CSMD1: variants seen among roughly 807,000 people sequenced by gnomAD.
The protein encoded by CSMD1 is CUB and Sushi multiple domains 1, also known as CUB and sushi domain-containing protein 1.
Under a neutral mutation model 417.5 loss-of-function variants are expected in CSMD1, and 213 were observed. That is an observed-to-expected ratio of 0.51 (90% confidence interval 0.46 to 0.57). CSMD1 has a LOEUF of 0.57. Among genes scored for constraint, CSMD1 ranks in the 20% least tolerant of loss-of-function variants. The pLI is 0.00. For synonymous variants in CSMD1, 2,862 were observed against 1,736.8 expected (o/e 1.65, Z -16.11); for missense variants, 6,923 against 4,529.7 (o/e 1.53, Z -15.17).
At chr8:4,197,275 G>A (rs909422419) in intron 3 of CSMD1, among the ~76,000 whole-genome samples, 1 of 152,208 alleles carries the variant, frequency 6.6e-6, no homozygotes. Context: ...AAATTGAGAA[G>A]TATTAGGCAT....
intron 3 of CSMD1, among the ~76,000 whole-genome samples, chr8:4,338,616 T>C (rs765525717): frequency 6.6e-6 from 1 of 152,150 alleles, no homozygotes; most frequent in East Asian, 1.9e-4. Context: ...AATTAAATCT[T>C]TAAATTAGGT....
At chr8:3,355,858 A>C (rs1255167953) in intron 21 of CSMD1, among the ~76,000 whole-genome samples, 3 of 152,202 alleles carry the variant, frequency 2.0e-5, no homozygotes, top group Non-Finnish European at 4.4e-5. Context: ...CCTAAACAAT[A>C]CACGTGTAAT....
intron 5 of CSMD1, among the ~76,000 whole-genome samples, chr8:3,773,343 G>C (rs978964293): frequency 6.6e-6 from 1 of 152,140 alleles, no homozygotes; most frequent in African/African-American, 2.4e-5. Context: ...GAGTGCAGTG[G>C]TGCACTCTCA....
intron 36 of CSMD1, among the ~76,000 whole-genome samples, chr8:3,187,465 T>A (rs1796130017): frequency 6.6e-6 from 1 of 152,122 alleles, no homozygotes; most frequent in Non-Finnish European, 1.5e-5. Flanking sequence ...TAGGGTAGAA[T>A]CTCAGGACTA....
intron 37 of CSMD1, among the ~76,000 whole-genome samples, chr8:3,163,310 C>T (rs1253119913): frequency 2.0e-5 from 3 of 151,966 alleles, no homozygotes; most frequent in African/African-American, 7.3e-5. Flanking sequence ...AGTTCTTGTA[C>T]TTCACAACAA....
chr8:3,933,477 C>A (rs893749772), intron 5 of CSMD1, among the ~76,000 whole-genome samples: 1 of 152,116 alleles, frequency 6.6e-6, no homozygotes, highest in African/African-American at 2.4e-5. Context: ...ACCCACTCAA[C>A]CCCTTTCAGC....
chr8:3,022,419 C>G (rs968664306), intron 51 of CSMD1, among the ~76,000 whole-genome samples: 2 of 152,314 alleles, frequency 1.3e-5, no homozygotes, highest in African/African-American at 4.8e-5. Context: ...AATCCCACAT[C>G]GACAGCGTGT....
At chr8:3,195,452 CA>C in intron 33 of CSMD1, among the ~76,000 whole-genome samples, 1 of 152,344 alleles carries the variant, frequency 6.6e-6, no homozygotes, top group Admixed American at 6.5e-5. Flanking sequence ...GGCATAGAAT[CA>C]ATGGCCTCTT....
chr8:4,072,853 A>C (rs747400047), intron 3 of CSMD1, among the ~76,000 whole-genome samples: 93 of 152,336 alleles, frequency 6.1e-4, no homozygotes, highest in Non-Finnish European at 1.2e-3. Context: ...ACAACAATTT[A>C]GAAGCTTGAA....
At chr8:3,450,725 T>A (rs1044440141) in intron 12 of CSMD1, among the ~76,000 whole-genome samples, 1 of 152,084 alleles carries the variant, frequency 6.6e-6, no homozygotes, top group South Asian at 2.1e-4. Context: ...TGTTGGACAT[T>A]TGGGTTGGTT....
intron 5 of CSMD1, among the ~76,000 whole-genome samples, chr8:3,758,708 G>A (rs1359035868): frequency 1.3e-5 from 2 of 152,216 alleles, no homozygotes; most frequent in South Asian, 2.1e-4. Flanking sequence ...GTGGGAGGCA[G>A]AATCATACCT....
chr8:4,961,344 T>C (rs1383210484), intron 1 of CSMD1, among the ~76,000 whole-genome samples: 1 of 152,136 alleles, frequency 6.6e-6, no homozygotes, highest in Non-Finnish European at 1.5e-5. Flanking sequence ...TTTTCAAACA[T>C]TCTTTCAACC....
At chr8:4,115,032 A>T (rs576723363) in intron 3 of CSMD1, among the ~76,000 whole-genome samples, 1 of 152,362 alleles carries the variant, frequency 6.6e-6, no homozygotes, top group East Asian at 1.9e-4. Context: ...ATGGTTTGAA[A>T]GAATTGATTC....
intron 5 of CSMD1, among the ~76,000 whole-genome samples, chr8:3,895,529 A>G (rs1205270062): frequency 1.3e-5 from 2 of 152,170 alleles, no homozygotes; most frequent in East Asian, 3.9e-4. Flanking sequence ...CTTAGGGAAT[A>G]AATATGATCC....
chr8:4,746,418 TTTC>T (rs2117028389), intron 1 of CSMD1, among the ~76,000 whole-genome samples: 1 of 152,314 alleles, frequency 6.6e-6, no homozygotes, highest in African/African-American at 2.4e-5. Context: ...AATGCAGCAT[TTTC>T]TTCTTGCGAA....
chr8:4,299,883 C>A (rs1405735789), intron 3 of CSMD1, among the ~76,000 whole-genome samples: 2 of 152,150 alleles, frequency 1.3e-5, no homozygotes, highest in Non-Finnish European at 1.5e-5. Context: ...CCCACCTCAG[C>A]CTCCCAAACT....
At chr8:4,583,356 C>A (rs1004391295) in intron 2 of CSMD1, among the ~76,000 whole-genome samples, 3 of 151,994 alleles carry the variant, frequency 2.0e-5, no homozygotes, top group African/African-American at 7.2e-5. Flanking sequence ...ATACACCAAT[C>A]GGCATTCTGT....
intron 6 of CSMD1, among the ~76,000 whole-genome samples, chr8:3,722,022 G>C (rs1406919875): frequency 6.6e-6 from 1 of 152,120 alleles, no homozygotes; most frequent in African/African-American, 2.4e-5. Flanking sequence ...AGTTGGCACA[G>C]GTTGTACAAG....
In CSMD1 at chr8:4,849,779, C is replaced by T. The variant is rs567675197; in HGVS notation, c.85+144553G>A. 1.1e-4 allele frequency among the ~76,000 whole-genome samples: 17 copies of T among 152,256 alleles called. No individual in the cohort carries two copies. In the South Asian group the frequency reaches 2.5e-3, roughly 22 times the overall value. On this transcript the variant is annotated intron_variant, in intron 1 of 69. Coordinates refer to ENST00000635120, the MANE Select transcript of CSMD1 (RefSeq NM_033225.6). ...AACCATCTTGGTTTTAGTAAGTGCA[C>T]TCAATGATGTTCATACATTGATGAA...
Sources: gnomAD v4.1 joint callset for allele counts (sites outside exome capture counted in the v4.1 genomes callset) on GRCh38, gnomAD v4.1.1 for gene constraint, MANE v1.5 for transcripts, NCBI Gene and HGNC (gene_info 2026-07-23, HGNC 2026-07-21) for gene names.